Variants in MAPT observed in about 807,000 individuals in gnomAD.
The protein encoded by MAPT is microtubule-associated protein tau.
Under a neutral mutation model 67.9 loss-of-function variants are expected in MAPT, and 34 were observed. The observed-to-expected ratio is 0.50, with a 90% CI of 0.38 to 0.67. The LOEUF is 0.67. Among genes scored for constraint, MAPT ranks in the 30% least tolerant of loss-of-function variants. The probability of loss-of-function intolerance (pLI) is 0.00; values close to 1 mark genes in which losing one functional copy is unlikely to be tolerated. For missense variants in MAPT, 881 were observed against 1,115.2 expected (o/e 0.79, Z 2.99); for synonymous variants, 456 against 464.5 (o/e 0.98, Z 0.23).
At position 46,010,283 on chromosome 17, in the gene MAPT, A is replaced by G; in HGVS notation, c.1999-27A>G. The G allele has an allele frequency of 6.7e-7, 1 of 1,498,898 alleles. No individual in the cohort carries two copies. Among genetic ancestry groups the G allele is most frequent in the Non-Finnish European group, 9.1e-7 (1 of 1,098,616 alleles). The allele number at this position is 1,498,898 out of a possible 1,614,324, so 92.8% of individuals were successfully genotyped here. ...GCAGGCGGGTCCAGGGTGGCGTGTC[A>G]CTCATCCTTTTTTCTGGCTACCAAA... On this transcript the variant is annotated intron_variant, in intron 9 of 12. Transcript: ENST00000262410. The surrounding 1 kb of genome is among the most constrained non-coding windows in gnomAD (Gnocchi z 4.7).
chr17:45,904,603 G>T (rs2064169653), intron 1 of MAPT, among the ~76,000 whole-genome samples: 1 of 150,528 alleles, frequency 6.6e-6, no homozygotes, highest in Non-Finnish European at 1.5e-5. Context: ...GAAGCAGGAG[G>T]ATCGCTTGAG....
chr17:45,952,711 C>T (rs1242451746), intron 1 of MAPT, among the ~76,000 whole-genome samples: 5 of 152,106 alleles, frequency 3.3e-5, no homozygotes, highest in Admixed American at 2.0e-4. Flanking sequence ...ACAATGTCAG[C>T]ATAAGAAGGG....
rs1380375174 is a variant in MAPT at position 45,896,253 on chromosome 17, C to G, written c.-18+1567C>G. ...TTCTGAAGGGATGGGATTCGAGTCT[C>G]CGTGCGCGCTGCGGGCGGCGGCAGA... On this transcript the variant is annotated intron_variant, in intron 1 of 12. Coordinates refer to ENST00000262410, the MANE Select transcript of MAPT (RefSeq NM_001377265.1). This position sits in a 1 kb window ranked among gnomAD's most constrained non-coding sequence, Gnocchi z 5.6. 6.6e-6 allele frequency: 1 copy of G among 152,104 alleles called. No homozygotes were observed. The highest frequency in any genetic ancestry group is 1.5e-5 in the Non-Finnish European group (1 of 68,082). 9.4% of individuals were successfully genotyped at this position (152,104 alleles called of 1,614,324 possible).
chr17:45,967,430 A>G (rs1401146775), intron 2 of MAPT, among the ~76,000 whole-genome samples: 1 of 152,082 alleles, frequency 6.6e-6, no homozygotes, highest in East Asian at 1.9e-4. Flanking sequence ...AAATAACAAA[A>G]CCCAGAAGTC....
intron 1 of MAPT, among the ~76,000 whole-genome samples, chr17:45,932,342 G>A (rs576146794): frequency 6.6e-6 from 1 of 152,170 alleles, no homozygotes; most frequent in African/African-American, 2.4e-5. Flanking sequence ...TGTAATCCCA[G>A]GACTTTGGGA....
At chr17:45,967,331 G>C (rs2071190043) in intron 2 of MAPT, among the ~76,000 whole-genome samples, 1 of 152,210 alleles carries the variant, frequency 6.6e-6, no homozygotes, top group African/African-American at 2.4e-5. Context: ...GATAAGGACT[G>C]TAGGGCTCAA....
intron 1 of MAPT, among the ~76,000 whole-genome samples, chr17:45,932,708 A>G (rs926929417): frequency 1.3e-5 from 2 of 151,980 alleles, no homozygotes; most frequent in African/African-American, 4.8e-5. Flanking sequence ...TTCTGTGGAG[A>G]AAAAAAAGTT....
intron 1 of MAPT, among the ~76,000 whole-genome samples, chr17:45,951,474 C>T (rs2069071569): frequency 6.6e-6 from 1 of 152,238 alleles, no homozygotes; most frequent in African/African-American, 2.4e-5. Flanking sequence ...CTCACCCCCT[C>T]GCCCTCCGAC....
intron 4 of MAPT, among the ~76,000 whole-genome samples, chr17:45,980,897 G>C (rs1294280249): frequency 6.6e-6 from 1 of 152,144 alleles, no homozygotes. Context: ...CTCCCATAAG[G>C]CACCTGCAGA....
intron 1 of MAPT, among the ~76,000 whole-genome samples, chr17:45,937,424 C>T (rs2067438137): frequency 6.6e-6 from 1 of 151,522 alleles, no homozygotes; most frequent in Admixed American, 6.6e-5. Flanking sequence ...CCTATCTCTA[C>T]AAAAAGAAAA....
chr17:45,973,667 G>C (rs1193811660), intron 3 of MAPT: 1 of 152,294 alleles, frequency 6.6e-6, no homozygotes, highest in Non-Finnish European at 1.5e-5. Context: ...AGTGTGCCAG[G>C]GCATTGCTCG....
rs910440395 is a variant in MAPT, at chr17:46,023,850, C to A, written c.2287-106C>A. 1.0e-4 allele frequency: 97 copies of A among 950,274 alleles called. No homozygotes were observed. In the Admixed American group the frequency reaches 1.2e-3, roughly 12 times the overall value. The allele number at this position is 950,274 out of a possible 1,614,324, so 58.9% of individuals were successfully genotyped here. ...AGCAAGACCCTGTCTCAAAAACAAA[C>A]AAAAAACAGTCCCTGGCACTCTGGG... On this transcript the variant is annotated intron_variant, in intron 12 of 12. Transcript: ENST00000262410.
rs373462041 is a variant in MAPT, at chr17:46,023,982, C to T, written c.2313C>T (p.Arg771=). ...KKIETHKLTF[R]ENAKAKTDHG... The stretch of plus-strand genomic sequence containing the variant: ...TTGAAACCCACAAGCTGACCTTCCG[C>T]GAGAACGCCAAAGCCAAGACAGACC... The change falls in exon 13 of 13, where the codon CGC becomes CGT. Residue 771 remains arginine, a synonymous_variant. Coordinates refer to ENST00000262410, the MANE Select transcript of MAPT (RefSeq NM_001377265.1). 62 of 1,614,004 alleles carry T rather than the reference C, an allele frequency of 3.8e-5. No individual in the cohort carries two copies. Among genetic ancestry groups the T allele is most frequent in the Non-Finnish European group, 4.7e-5 (55 of 1,180,048 alleles).
chr17:45,958,642 G>A (rs1265413531), intron 1 of MAPT, among the ~76,000 whole-genome samples: 1 of 151,138 alleles, frequency 6.6e-6, no homozygotes, highest in Non-Finnish European at 1.5e-5. Flanking sequence ...GATCACTTGA[G>A]CCCGGGAGGT....
intron 4 of MAPT, among the ~76,000 whole-genome samples, chr17:45,982,589 C>G (rs977838664): frequency 6.6e-6 from 1 of 152,048 alleles, no homozygotes; most frequent in Non-Finnish European, 1.5e-5. Flanking sequence ...CAGAAGGGCC[C>G]TCGGAGGTCA....
chr17:45,938,810 ATTTTTTTT>A lies in MAPT; in HGVS notation c.-17-23497_-17-23490del, dbSNP rs368157488. Reference sequence around the variant, plus strand: ...AGGGGTGAGCCCCCATGCCCAGCTAATTTTTTTTTTTTTTTTTTTTTGAGACAGAGTCT... The same window carrying A: ...AGGGGTGAGCCCCCATGCCCAGCTAATTTTTTTTTTTTTGAGACAGAGTCT... On this transcript the variant is annotated intron_variant, in intron 1 of 12. Transcript: ENST00000262410. 5.9e-5 allele frequency among the ~76,000 whole-genome samples: 7 copies of A among 118,106 alleles called. No individual in the cohort carries two copies. In the Admixed American group the frequency reaches 6.6e-4, roughly 11 times the overall value. The allele number at this position is 118,106 out of a possible 152,430, so 77.5% of individuals were successfully genotyped here.
intron 1 of MAPT, among the ~76,000 whole-genome samples, chr17:45,940,951 C>G (rs2067795413): frequency 6.6e-6 from 1 of 152,170 alleles, no homozygotes; most frequent in African/African-American, 2.4e-5. Context: ...GGTGCTTTAA[C>G]ACAAACTCTC....
chr17:45,909,088 C>T (rs977531867), intron 1 of MAPT, among the ~76,000 whole-genome samples: 1 of 152,224 alleles, frequency 6.6e-6, no homozygotes. Flanking sequence ...GTGCGGGCAC[C>T]TTGGCACACA....
chr17:45,927,127 G>A (rs970434857), intron 1 of MAPT, among the ~76,000 whole-genome samples: 1 of 151,860 alleles, frequency 6.6e-6, no homozygotes, highest in Non-Finnish European at 1.5e-5. Flanking sequence ...TGTATTATTT[G>A]TGCAACTTTT....
Sources: gnomAD v4.1 joint callset for allele counts (sites outside exome capture counted in the v4.1 genomes callset) on GRCh38, gnomAD v4.1.1 for gene constraint, Gnocchi (gnomAD v3.1) non-coding constraint, MANE v1.5 for transcripts, NCBI Gene and HGNC (gene_info 2026-07-23, HGNC 2026-07-21) for gene names.